The following PTPRD variants were observed in gnomAD, a reference collection of about 807,000 sequenced individuals.
The protein encoded by PTPRD is receptor-type tyrosine-protein phosphatase delta.
Under a neutral mutation model 214.5 loss-of-function variants are expected in PTPRD, and 34 were observed. The observed-to-expected ratio is 0.16, with a 90% CI of 0.12 to 0.21. PTPRD has a LOEUF of 0.21. PTPRD is among the 10% of genes least tolerant of loss of function. The probability of loss-of-function intolerance (pLI) is 1.00; values close to 1 mark genes in which losing one functional copy is unlikely to be tolerated. For missense variants in PTPRD, 2,545 were observed against 2,398.7 expected, an observed-to-expected ratio of 1.06 and a Z score of -1.27; for synonymous variants, 1,128 against 845.7, an observed-to-expected ratio of 1.33 and a Z score of -5.79.
At chr9:9,044,668 C>A (rs115040653) in intron 10 of PTPRD, among the ~76,000 whole-genome samples, 5,383 of 152,264 alleles carry the variant, frequency 0.035, 139 homozygotes, top group African/African-American at 0.066. Context: ...CCTATCAAGT[C>A]AATACAAACT....
At chr9:9,051,989 G>C (rs1032388754) in intron 10 of PTPRD, among the ~76,000 whole-genome samples, 1 of 152,128 alleles carries the variant, frequency 6.6e-6, no homozygotes, top group South Asian at 2.1e-4. Flanking sequence ...CATCCATCTG[G>C]ATTGCTATAA....
chr9:10,343,133 C>T (rs1279223344), intron 2 of PTPRD, among the ~76,000 whole-genome samples: 10 of 152,138 alleles, frequency 6.6e-5, no homozygotes, highest in East Asian at 5.8e-4. Flanking sequence ...CCCCAGCCCC[C>T]GACCCCCTGA....
At chr9:9,244,545 C>T (rs568598943) in intron 9 of PTPRD, among the ~76,000 whole-genome samples, 28 of 152,230 alleles carry the variant, frequency 1.8e-4, no homozygotes, top group African/African-American at 6.3e-4. Context: ...GAAAGGATTC[C>T]CTATTTAACA....
chr9:9,568,781 C>T (rs1215124137), intron 8 of PTPRD, among the ~76,000 whole-genome samples: 1 of 151,770 alleles, frequency 6.6e-6, no homozygotes, highest in Non-Finnish European at 1.5e-5. Context: ...TAAGGATATA[C>T]ACATAGTATA....
intron 11 of PTPRD, among the ~76,000 whole-genome samples, chr9:8,819,400 C>G (rs747596442): frequency 6.6e-5 from 10 of 152,062 alleles, no homozygotes; most frequent in Non-Finnish European, 1.2e-4. Flanking sequence ...CAGTGGCTCA[C>G]ACCTGTAATC....
chr9:10,432,533 T>G (rs1188614599), intron 2 of PTPRD, among the ~76,000 whole-genome samples: 1 of 152,000 alleles, frequency 6.6e-6, no homozygotes, highest in Non-Finnish European at 1.5e-5. Flanking sequence ...CACCAAAAGC[T>G]GGCATCTCTA....
At chr9:10,016,571 C>T (rs1395855150) in intron 4 of PTPRD, among the ~76,000 whole-genome samples, 1 of 151,926 alleles carries the variant, frequency 6.6e-6, no homozygotes, top group East Asian at 1.9e-4. Flanking sequence ...AGGAAAATTG[C>T]AATTTTAAAG....
At chr9:9,659,409 T>C (rs191631438) in intron 7 of PTPRD, among the ~76,000 whole-genome samples, 3 of 152,090 alleles carry the variant, frequency 2.0e-5, no homozygotes, top group Non-Finnish European at 2.9e-5. Flanking sequence ...GAAATTATAA[T>C]ATAGTGGCTA....
At chr9:9,082,605 C>A (rs1387548585) in intron 10 of PTPRD, among the ~76,000 whole-genome samples, 3 of 152,072 alleles carry the variant, frequency 2.0e-5, no homozygotes, top group Admixed American at 1.3e-4. Context: ...AAGAGGAAGT[C>A]AAATTGTCTT....
At chr9:9,042,634 T>G (rs63509661) in intron 10 of PTPRD, among the ~76,000 whole-genome samples, 1 of 142,516 alleles carries the variant, frequency 7.0e-6, no homozygotes, top group East Asian at 2.0e-4. Flanking sequence ...TTTTTTTTTT[T>G]GGTCTATTCA....
chr9:9,243,466 G>A (rs954834931), intron 9 of PTPRD, among the ~76,000 whole-genome samples: 22 of 152,168 alleles, frequency 1.4e-4, no homozygotes, highest in Middle Eastern at 3.4e-3. Context: ...TTCATCCCTC[G>A]GATGCAAGGC....
At chr9:10,217,226 T>C (rs2099545705) in intron 3 of PTPRD, among the ~76,000 whole-genome samples, 1 of 151,850 alleles carries the variant, frequency 6.6e-6, no homozygotes, top group Non-Finnish European at 1.5e-5. Flanking sequence ...AGTTATACTT[T>C]GTTATTGGCA....
chr9:9,134,096 C>T (rs1390682398), intron 10 of PTPRD, among the ~76,000 whole-genome samples: 1 of 107,850 alleles, frequency 9.3e-6, no homozygotes, highest in Non-Finnish European at 1.6e-5. Flanking sequence ...GACGGAGTCT[C>T]GCTCTGTCGC....
At chr9:8,771,964 A>G (rs1258043911) in intron 11 of PTPRD, among the ~76,000 whole-genome samples, 2 of 152,152 alleles carry the variant, frequency 1.3e-5, no homozygotes, top group Non-Finnish European at 2.9e-5. Context: ...TCAGACTGTA[A>G]GAATAATTAC....
intron 2 of PTPRD, among the ~76,000 whole-genome samples, chr9:10,509,065 AT>A: frequency 6.6e-6 from 1 of 152,024 alleles, no homozygotes; most frequent in East Asian, 1.9e-4. Flanking sequence ...TCCACTGTAA[AT>A]TTATTATTTT....
chr9:10,118,320 A>C (rs1024856361), intron 3 of PTPRD, among the ~76,000 whole-genome samples: 1 of 151,520 alleles, frequency 6.6e-6, no homozygotes, highest in Admixed American at 6.6e-5. Context: ...ATAACTGTCT[A>C]TATATTTAAT....
chr9:8,619,197 T>C (rs1301278409), intron 14 of PTPRD, among the ~76,000 whole-genome samples: 1 of 152,114 alleles, frequency 6.6e-6, no homozygotes, highest in Non-Finnish European at 1.5e-5. Context: ...TTACCACTTT[T>C]GTGTTTGAGA....
intron 11 of PTPRD, among the ~76,000 whole-genome samples, chr9:8,885,347 G>A (rs2098478091): frequency 6.6e-6 from 1 of 152,054 alleles, no homozygotes; most frequent in South Asian, 2.1e-4. Flanking sequence ...AAAACTGGGA[G>A]AGTCCCTGGC....
intron 3 of PTPRD, among the ~76,000 whole-genome samples, chr9:10,092,104 T>A (rs17680832): frequency 1.3e-5 from 2 of 151,394 alleles, no homozygotes; most frequent in Non-Finnish European, 3.0e-5. Flanking sequence ...CAGAGTTCCA[T>A]GCAACGAGGT....
Sources: gnomAD v4.1 joint callset for allele counts (sites outside exome capture counted in the v4.1 genomes callset) on GRCh38, gnomAD v4.1.1 for gene constraint, MANE v1.5 for transcripts, NCBI Gene and HGNC (gene_info 2026-07-23, HGNC 2026-07-21) for gene names.